Variants in LOC400499 observed in about 807,000 individuals in gnomAD.
At chr16:11,404,815 G>A in the LOC400499 span, 4 of 398,928 alleles carry the variant, frequency 1.0e-5, no homozygotes, top group Non-Finnish European at 1.8e-5. Context: ...CGGGTCCCAT[G>A]AGCTCGCTCG....
the LOC400499 span, among the ~76,000 whole-genome samples, chr16:11,374,752 C>T: frequency 1.3e-5 from 2 of 152,192 alleles, no homozygotes; most frequent in East Asian, 1.9e-4. Flanking sequence ...GTCTTCTGGC[C>T]GTTGTGAATA....
At chr16:11,387,433 T>C in the LOC400499 span, 1 of 623,714 alleles carries the variant, frequency 1.6e-6, no homozygotes, top group Non-Finnish European at 2.3e-6. Flanking sequence ...GGGCTGTCCT[T>C]GTTTTGGGAA....
chr16:11,479,031 T>A, the LOC400499 span, among the ~76,000 whole-genome samples: 12 of 152,296 alleles, frequency 7.9e-5, no homozygotes, highest in African/African-American at 2.9e-4. Flanking sequence ...ATCTATTAAA[T>A]TTCTTTCTTT....
the LOC400499 span, among the ~76,000 whole-genome samples, chr16:11,486,050 AGATGGATGGATGTATG>A: frequency 4.6e-5 from 7 of 151,502 alleles, no homozygotes; most frequent in Non-Finnish European, 5.9e-5. Flanking sequence ...TTGAGTGAAT[AGATGGATGGATGTATG>A]GATGGATGGA....
the LOC400499 span, chr16:11,460,658 C>A: frequency 1.0e-3 from 1,494 of 1,483,374 alleles, 4 homozygotes; most frequent in Non-Finnish European, 1.3e-3. Context: ...CCAGGCAGCC[C>A]TCCACCAGGG....
At chr16:11,384,972 CA>C in the LOC400499 span, 1 of 1,232,220 alleles carries the variant, frequency 8.1e-7, no homozygotes, top group African/African-American at 1.5e-5. Context: ...CTGGCCAGCT[CA>C]ATCCTGGAGA....
chr16:11,493,233 C>A, the LOC400499 span, among the ~76,000 whole-genome samples: 3 of 152,224 alleles, frequency 2.0e-5, no homozygotes, highest in Non-Finnish European at 4.4e-5. Flanking sequence ...CTCTTTTAGA[C>A]TCTGCAGGCC....
chr16:11,477,321 T>C, the LOC400499 span, among the ~76,000 whole-genome samples: 1 of 152,218 alleles, frequency 6.6e-6, no homozygotes, highest in African/African-American at 2.4e-5. Context: ...ACAGCTCAGC[T>C]GAGGGGCTGG....
At chr16:11,445,911 G>A in the LOC400499 span, among the ~76,000 whole-genome samples, 1 of 149,984 alleles carries the variant, frequency 6.7e-6, no homozygotes, top group African/African-American at 2.5e-5. Context: ...TCAGCTCACT[G>A]TAACCTCTGC....
chr16:11,397,552 C>T, the LOC400499 span, among the ~76,000 whole-genome samples: 2 of 152,196 alleles, frequency 1.3e-5, no homozygotes, highest in East Asian at 1.9e-4. Flanking sequence ...GGATTACAGG[C>T]GTGAGCCACC....
At chr16:11,411,101 T>G in the LOC400499 span, 1 of 396,300 alleles carries the variant, frequency 2.5e-6, no homozygotes, top group Non-Finnish European at 4.4e-6. Context: ...GAGCCAGGGG[T>G]TTCCGAGGGT....
At chr16:11,375,554 C>T in the LOC400499 span, among the ~76,000 whole-genome samples, 15,108 of 136,922 alleles carry the variant, frequency 0.11, 1,315 homozygotes, top group Middle Eastern at 0.24. Flanking sequence ...CTCAAGTGAT[C>T]CGCCCACCTT....
At chr16:11,390,060 A>G in the LOC400499 span, 13 of 1,174,598 alleles carry the variant, frequency 1.1e-5, no homozygotes, top group Middle Eastern at 3.2e-4. Context: ...TGCACCTGGT[A>G]TGTGGCAGGC....
the LOC400499 span, among the ~76,000 whole-genome samples, chr16:11,461,678 C>A: frequency 3.3e-5 from 5 of 152,168 alleles, no homozygotes; most frequent in Admixed American, 3.3e-4. Flanking sequence ...TGTTATGACT[C>A]CCAGACACCC....
chr16:11,398,609 G>C, the LOC400499 span: 2,243 of 937,096 alleles, frequency 2.4e-3, 11 homozygotes, highest in Non-Finnish European at 2.5e-3. Flanking sequence ...GCATGTGCCA[G>C]GAATGTGCCG....
At chr16:11,440,494 C>G in the LOC400499 span, among the ~76,000 whole-genome samples, 10 of 152,330 alleles carry the variant, frequency 6.6e-5, no homozygotes, top group African/African-American at 2.4e-4. Context: ...CAGAGCCACG[C>G]TGAACTGCAC....
chr16:11,477,400 G>C, the LOC400499 span, among the ~76,000 whole-genome samples: 3 of 152,222 alleles, frequency 2.0e-5, no homozygotes, highest in African/African-American at 7.2e-5. Context: ...TTCTGCTCTG[G>C]CGCCATGTGG....
the LOC400499 span, among the ~76,000 whole-genome samples, chr16:11,492,514 T>C: frequency 6.6e-6 from 1 of 151,950 alleles, no homozygotes; most frequent in African/African-American, 2.4e-5. Flanking sequence ...CCGGGCGCGG[T>C]GGCTCATGCC....
At chr16:11,447,003 C>G in the LOC400499 span, 1 of 1,394,412 alleles carries the variant, frequency 7.2e-7, no homozygotes, top group Admixed American at 2.5e-5. Flanking sequence ...CTGGGCCTGT[C>G]ACGAGCTTGC....
Sources: allele counts gnomAD v4.1 joint callset (sites outside exome capture counted in the v4.1 genomes callset), GRCh38; gene constraint gnomAD v4.1.1; transcripts MANE v1.5.